Variants in ARFIP1 observed in about 807,000 individuals in gnomAD.
ARFIP1 encodes the protein ARF interacting protein 1, also known as arfaptin-1.
Under a neutral mutation model 42.5 loss-of-function variants are expected in ARFIP1, and 24 were observed. That is an observed-to-expected ratio of 0.57 (90% confidence interval 0.41 to 0.80). The LOEUF (loss-of-function observed/expected upper bound fraction) is 0.80. ARFIP1 is among the 30% of genes least tolerant of loss of function. The pLI is 0.00. For synonymous variants in ARFIP1, 141 were observed against 153.7 expected (o/e 0.92, Z 0.61); for missense variants, 354 against 434.0 (o/e 0.82, Z 1.64).
chr4:152,851,094 G>A (rs1732940340), intron 2 of ARFIP1, among the ~76,000 whole-genome samples: 1 of 152,188 alleles, frequency 6.6e-6, no homozygotes, highest in African/African-American at 2.4e-5. Flanking sequence ...CCCTTTTGAA[G>A]CATGAGATGT....
At chr4:152,794,574 T>G (rs780843475) in intron 1 of ARFIP1, among the ~76,000 whole-genome samples, 1 of 152,206 alleles carries the variant, frequency 6.6e-6, no homozygotes, top group Non-Finnish European at 1.5e-5. Flanking sequence ...TTTTAGTTGG[T>G]AAGTATCTTG....
chr4:152,865,698 A>G (rs1021801350), intron 3 of ARFIP1, among the ~76,000 whole-genome samples: 8 of 152,272 alleles, frequency 5.3e-5, no homozygotes, highest in African/African-American at 1.9e-4. Context: ...TGGCATTCTT[A>G]TATCAGGGAT....
At chr4:152,809,514 T>C (rs922236572) in intron 1 of ARFIP1, among the ~76,000 whole-genome samples, 2 of 152,230 alleles carry the variant, frequency 1.3e-5, no homozygotes, top group African/African-American at 2.4e-5. Flanking sequence ...CTAGTAGTTC[T>C]GAGATGCAGA....
intron 2 of ARFIP1, among the ~76,000 whole-genome samples, chr4:152,831,163 A>G (rs1731214524): frequency 6.6e-6 from 1 of 152,218 alleles, no homozygotes; most frequent in South Asian, 2.1e-4. Context: ...ACTTTTACTA[A>G]TTTTAATACT....
intron 2 of ARFIP1, among the ~76,000 whole-genome samples, chr4:152,859,780 T>C (rs902970314): frequency 2.0e-5 from 3 of 151,486 alleles, no homozygotes; most frequent in Non-Finnish European, 2.9e-5. Context: ...CTATTTCTAC[T>C]AAAGGTGTCG....
At chr4:152,818,421 C>T (rs531125646) in intron 1 of ARFIP1, among the ~76,000 whole-genome samples, 7 of 152,252 alleles carry the variant, frequency 4.6e-5, no homozygotes, top group South Asian at 2.1e-4. Context: ...TGGGAAGGAG[C>T]CCCATCAGGA....
At chr4:152,880,902 T>G in intron 5 of ARFIP1, 61 bp from the exon 6 acceptor site, 1 of 1,361,354 alleles carries the variant, frequency 7.3e-7, no homozygotes, top group South Asian at 1.2e-5. Context: ...TGCCATATGC[T>G]CTAGCATTTA....
At chr4:152,867,137 A>G (rs1462040346) in intron 3 of ARFIP1, among the ~76,000 whole-genome samples, 5 of 152,126 alleles carry the variant, frequency 3.3e-5, no homozygotes, top group Admixed American at 6.5e-5. Context: ...TGGGAGGCCA[A>G]GGCAGGCAGC....
chr4:152,818,393 T>C (rs1248539986), intron 1 of ARFIP1, among the ~76,000 whole-genome samples: 2 of 152,108 alleles, frequency 1.3e-5, no homozygotes, highest in African/African-American at 4.8e-5. Flanking sequence ...GCTGATTTAG[T>C]GAGCAGTGGG....
chr4:152,784,043 G>T (rs1285608341), intron 1 of ARFIP1, among the ~76,000 whole-genome samples: 1 of 152,250 alleles, frequency 6.6e-6, no homozygotes, highest in East Asian at 1.9e-4. Context: ...TAATACATTT[G>T]GGATGGAAAG....
In ARFIP1 at chr4:152,829,628, T is replaced by C; in HGVS notation, c.-6T>C. Reference sequence around the variant, plus strand: ...TTTTTTTCTTCTTTTGTTTTAGGAGTCTACCATGGCTCAAGAATCTCCCAA... The same window carrying C: ...TTTTTTTCTTCTTTTGTTTTAGGAGCCTACCATGGCTCAAGAATCTCCCAA... On this transcript the variant is annotated 5_prime_UTR_variant, in exon 2 of 9. Transcript: ENST00000353617. 1.2e-6 allele frequency: 2 copies of C among 1,607,748 alleles called. No homozygotes were observed. The highest frequency in any genetic ancestry group is 1.7e-6 in the Non-Finnish European group (2 of 1,177,022).
intron 3 of ARFIP1, among the ~76,000 whole-genome samples, chr4:152,866,860 G>A (rs1227732426): frequency 6.6e-6 from 1 of 151,820 alleles, no homozygotes; most frequent in African/African-American, 2.4e-5. Context: ...TCCCAGACGG[G>A]GCGGCGGGGC....
At chr4:152,892,433 A>G (rs1736937821) in intron 8 of ARFIP1, among the ~76,000 whole-genome samples, 1 of 152,176 alleles carries the variant, frequency 6.6e-6, no homozygotes, top group African/African-American at 2.4e-5. Context: ...AAACAACGAG[A>G]ATAGGGCATA....
Position 152,910,090 on chromosome 4 carries a change from C to T in ARFIP1, c.993C>T (p.Val331=), listed in dbSNP as rs771907353. ...NKVKVLHNQL[V]LFHNAIAAYF... ...TTAAAGTATTGCACAATCAGCTGGT[C>T]CTTTTCCACAATGCCATTGCCGCTT... Residue 331 remains valine, a synonymous_variant, in exon 9 of 9, where the codon GTC becomes GTT. Coordinates refer to ENST00000353617, the MANE Select transcript of ARFIP1 (RefSeq NM_001025595.3). 5 of 1,614,026 alleles carry T rather than the reference C, an allele frequency of 3.1e-6. No individual in the cohort carries two copies. In the East Asian group the frequency reaches 1.1e-4, roughly 36 times the overall value.
intron 1 of ARFIP1, among the ~76,000 whole-genome samples, chr4:152,814,681 G>C (rs1301182926): frequency 6.6e-5 from 10 of 152,176 alleles, no homozygotes; most frequent in Admixed American, 6.5e-4. Flanking sequence ...AACAGACTGG[G>C]ACCCTGTCTC....
chr4:152,891,476 T>C (rs1736846286), intron 8 of ARFIP1, among the ~76,000 whole-genome samples: 1 of 152,222 alleles, frequency 6.6e-6, no homozygotes, highest in African/African-American at 2.4e-5. Flanking sequence ...TTTTTGTTGT[T>C]GTTGAGCAAC....
At position 152,863,639 on chromosome 4, in the gene ARFIP1, C is replaced by A; in HGVS notation, c.127C>A (p.Leu43Ile). 1.2e-6 allele frequency: 2 copies of A among 1,609,088 alleles called. No individual in the cohort carries two copies. Among genetic ancestry groups the A allele is most frequent in the South Asian group, 1.1e-5 (1 of 90,862 alleles). ...GCATTCATTACCATCTGGACTTGGT[C>A]TCTCAGAAACCCAAATTACATCTCA... ...LKHSLPSGLGLSETQITSHGF... is the reference protein window; with the variant it reads ...LKHSLPSGLGISETQITSHGF... Residue 43 changes from leucine to isoleucine, a missense_variant, in exon 3 of 9, where the codon CTC (leucine) becomes ATC (isoleucine). Coordinates refer to ENST00000353617, the MANE Select transcript of ARFIP1 (RefSeq NM_001025595.3).
At chr4:152,790,073 A>G (rs1038099399) in intron 1 of ARFIP1, among the ~76,000 whole-genome samples, 4 of 152,200 alleles carry the variant, frequency 2.6e-5, no homozygotes, top group African/African-American at 9.6e-5. Context: ...ATGTGTGTAC[A>G]CTAACTCATG....
intron 5 of ARFIP1, among the ~76,000 whole-genome samples, chr4:152,873,816 C>CT (rs1415484882): frequency 6.6e-6 from 1 of 152,210 alleles, no homozygotes; most frequent in Non-Finnish European, 1.5e-5. Flanking sequence ...TAAAATCCTT[C>CT]AGTCAATCCC....
Sources: allele counts gnomAD v4.1 joint callset (sites outside exome capture counted in the v4.1 genomes callset), GRCh38; gene constraint gnomAD v4.1.1; transcripts MANE v1.5; gene names NCBI Gene and HGNC (gene_info 2026-07-23, HGNC 2026-07-21).